The following ARFIP1 variants were observed in gnomAD, a reference collection of about 807,000 sequenced individuals.
ARFIP1 encodes ARF interacting protein 1.
Under a neutral mutation model 42.5 loss-of-function variants are expected in ARFIP1, and 24 were observed. That is an observed-to-expected ratio of 0.57 (90% confidence interval 0.41 to 0.80). The LOEUF is 0.80. Ranked by LOEUF, ARFIP1 falls within the 30% of genes least tolerant of loss-of-function variation. ARFIP1 has a pLI of 0.00. For synonymous variants in ARFIP1, 141 were observed against 153.7 expected (o/e 0.92, Z 0.61); for missense variants, 354 against 434.0 (o/e 0.82, Z 1.64).
At chr4:152,847,772 A>C (rs1397975793) in intron 2 of ARFIP1, among the ~76,000 whole-genome samples, 1 of 152,194 alleles carries the variant, frequency 6.6e-6, no homozygotes, top group Non-Finnish European at 1.5e-5. Flanking sequence ...GAAGCAAATC[A>C]TACTAACTCC....
intron 1 of ARFIP1, among the ~76,000 whole-genome samples, chr4:152,786,504 ACT>A (rs1376462189): frequency 6.6e-6 from 1 of 151,860 alleles, no homozygotes; most frequent in African/African-American, 2.4e-5. Context: ...TTTCTACATG[ACT>A]CTTGAATTTT....
At chr4:152,835,220 T>C (rs1200519253) in intron 2 of ARFIP1, among the ~76,000 whole-genome samples, 1 of 152,238 alleles carries the variant, frequency 6.6e-6, no homozygotes, top group African/African-American at 2.4e-5. Flanking sequence ...TTTCCAAACT[T>C]TTATGCTCTG....
At chr4:152,808,507 G>A (rs373676970) in intron 1 of ARFIP1, among the ~76,000 whole-genome samples, 27 of 151,422 alleles carry the variant, frequency 1.8e-4, no homozygotes, top group African/African-American at 6.1e-4. Context: ...TCCTAGGAGT[G>A]GAATTGCTGG....
rs1352222720 is a variant in ARFIP1 at position 152,891,205 on chromosome 4, T to TTTGGCA, written c.966+2899_966+2904dup. On this transcript the variant is annotated intron_variant, in intron 8 of 8. Coordinates refer to ENST00000353617, the MANE Select transcript of ARFIP1 (RefSeq NM_001025595.3). ...GAGGGTGAAGATTTCAGCATTTGAA[T>TTTGGCA]TTGGCAGGGACACAAACATTCAGAC... Among the ~76,000 whole-genome samples, 8 of 152,210 alleles carry TTTGGCA rather than the reference T, an allele frequency of 5.3e-5. No homozygotes were observed. The South Asian group carries it at 1.7e-3, about 31-fold the overall frequency.
At chr4:152,796,648 G>T in intron 1 of ARFIP1, 1 of 884,964 alleles carries the variant, frequency 1.1e-6, no homozygotes, top group South Asian at 1.4e-5. Flanking sequence ...CATCTTGATG[G>T]TCTTTTTTAT....
chr4:152,816,202 A>C (rs1729875275), intron 1 of ARFIP1, among the ~76,000 whole-genome samples: 1 of 152,168 alleles, frequency 6.6e-6, no homozygotes, highest in African/African-American at 2.4e-5. Flanking sequence ...AGTACTTTAA[A>C]AACCTGAGTC....
intron 1 of ARFIP1, among the ~76,000 whole-genome samples, chr4:152,782,507 T>C (rs1231439106): frequency 6.6e-6 from 1 of 152,222 alleles, no homozygotes; most frequent in Non-Finnish European, 1.5e-5. Context: ...TGCCTATCTT[T>C]AATATGTATT....
chr4:152,804,374 A>AATATAACATGTATTATATATTATAT (rs1728797588), intron 1 of ARFIP1, among the ~76,000 whole-genome samples: 1 of 99,394 alleles, frequency 1.0e-5, no homozygotes, highest in Admixed American at 1.4e-4. Context: ...TATTATATAT[A>AATATAACATGTATTATATATTATAT]ATATAACATG....
chr4:152,807,618 A>G (rs564658898), intron 1 of ARFIP1, among the ~76,000 whole-genome samples: 1 of 151,590 alleles, frequency 6.6e-6, no homozygotes, highest in Admixed American at 6.6e-5. Flanking sequence ...TTTTCTTGCT[A>G]TTGAATTGCA....
Position 152,867,532 on chromosome 4 carries a change from CGGGAGAG to C in ARFIP1, c.203-3204_203-3198del, listed in dbSNP as rs753525115. ...CGTGGGGAGAGGGAGAGAGGTGAGA[CGGGAGAG>C]GGGAGAGGGGAGAGGGTCTCGAAAC... On this transcript the variant is annotated intron_variant, in intron 3 of 8. Transcript: ENST00000353617. 2.2e-3 allele frequency among the ~76,000 whole-genome samples: 333 copies of C among 151,612 alleles called. 10 individuals carry two copies. The East Asian group carries it at 0.053, about 24-fold the overall frequency.
In ARFIP1 at chr4:152,901,927, G is replaced by A. The variant is rs570564012; in HGVS notation, c.967-8137G>A. 2.3e-3 allele frequency among the ~76,000 whole-genome samples: 349 copies of A among 152,328 alleles called. 2 individuals are homozygous for A. The highest frequency in any genetic ancestry group is 8.2e-3 in the African/African-American group (341 of 41,564). Reference sequence around the variant, plus strand: ...AGGCTAGAGACAAAATTGGGAACAAGGTTAAAGTGCTGTGTGTCTTTTCTA... The same window carrying A: ...AGGCTAGAGACAAAATTGGGAACAAAGTTAAAGTGCTGTGTGTCTTTTCTA... On this transcript the variant is annotated intron_variant, in intron 8 of 8. Transcript: ENST00000353617.
At chr4:152,867,410 C>T (rs1007588266) in intron 3 of ARFIP1, among the ~76,000 whole-genome samples, 2 of 152,054 alleles carry the variant, frequency 1.3e-5, no homozygotes, top group Admixed American at 6.5e-5. Context: ...GCAGGAGAAT[C>T]AGGCAGGGAG....
chr4:152,822,655 T>C (rs1730483804), intron 1 of ARFIP1, among the ~76,000 whole-genome samples: 1 of 152,202 alleles, frequency 6.6e-6, no homozygotes, highest in Non-Finnish European at 1.5e-5. Flanking sequence ...GTATATCACA[T>C]GATAGGCCAC....
chr4:152,824,736 G>GA (rs1730678649), intron 1 of ARFIP1, among the ~76,000 whole-genome samples: 1 of 152,134 alleles, frequency 6.6e-6, no homozygotes, highest in Non-Finnish European at 1.5e-5. Context: ...ATCCAAATTG[G>GA]AAAAGAGGAA....
At chr4:152,816,286 G>A (rs999082856) in intron 1 of ARFIP1, among the ~76,000 whole-genome samples, 1 of 152,166 alleles carries the variant, frequency 6.6e-6, no homozygotes, top group Non-Finnish European at 1.5e-5. Flanking sequence ...CAGAGTTCTC[G>A]TGATAATTTT....
chr4:152,790,954 T>C (rs376063055), intron 1 of ARFIP1, among the ~76,000 whole-genome samples: 1 of 151,992 alleles, frequency 6.6e-6, no homozygotes, highest in African/African-American at 2.4e-5. Context: ...CCCAGGCTGA[T>C]CTTGAACTCC....
chr4:152,896,309 T>C (rs1039536726), intron 8 of ARFIP1, among the ~76,000 whole-genome samples: 7 of 152,186 alleles, frequency 4.6e-5, no homozygotes, highest in Admixed American at 3.9e-4. Flanking sequence ...AGGTTATTCA[T>C]TGCAGCATCA....
At chr4:152,869,191 C>T (rs891740525) in intron 3 of ARFIP1, among the ~76,000 whole-genome samples, 13 of 152,024 alleles carry the variant, frequency 8.6e-5, no homozygotes, top group Admixed American at 3.3e-4. Context: ...GGAATATGAC[C>T]AGTTATTACT....
chr4:152,883,637 T>C (rs1736027475), intron 7 of ARFIP1, among the ~76,000 whole-genome samples: 1 of 151,524 alleles, frequency 6.6e-6, no homozygotes, highest in Non-Finnish European at 1.5e-5. Context: ...TATATGTATA[T>C]ATACAGTTTC....
Sources: allele counts gnomAD v4.1 joint callset (sites outside exome capture counted in the v4.1 genomes callset), GRCh38; gene constraint gnomAD v4.1.1; transcripts MANE v1.5; gene names NCBI Gene and HGNC (gene_info 2026-07-23, HGNC 2026-07-21).